Variants in PALMD observed in about 807,000 individuals in gnomAD.
PALMD encodes palmdelphin.
In PALMD, 42 loss-of-function variants were observed where a neutral mutation model predicts 56.2. That is an observed-to-expected ratio of 0.75 (90% CI 0.58 to 0.97). PALMD has a LOEUF of 0.97. PALMD is among the 50% of genes least tolerant of loss of function. PALMD has a pLI of 0.00. For synonymous variants in PALMD, 242 were observed against 222.9 expected, an observed-to-expected ratio of 1.09 and a Z score of -0.76; for missense variants, 660 against 643.8, an observed-to-expected ratio of 1.03 and a Z score of -0.27.
At position 99,689,888 on chromosome 1, in the gene PALMD, A is replaced by G; in HGVS notation, c.1612+16A>G. ...TCCTTAACAGGTAATAAAAATGACA[A>G]GGCATGCCACTGCTGTTCAGTCATG... On this transcript the variant is annotated intron_variant, in intron 7 of 7. Transcript: ENST00000263174. 5 of 1,575,634 alleles carry G rather than the reference A, an allele frequency of 3.2e-6. No individual in the cohort carries two copies. The highest frequency in any genetic ancestry group is 4.3e-6 in the Non-Finnish European group (5 of 1,167,564).
rs564409107 is a variant in PALMD at position 99,655,309 on chromosome 1, T to A, written c.46-7010T>A. Among the ~76,000 whole-genome samples the A allele has an allele frequency of 5.9e-3, 897 of 152,252 alleles. 10 individuals are homozygous for A. Among genetic ancestry groups the A allele is most frequent in the African/African-American group, 0.021 (862 of 41,562 alleles). ...TAGATGATAAATAATATTAAAAACA[T>A]AAAAAACTTAATAAATGTTATTATT... On this transcript the variant is annotated intron_variant, in intron 1 of 7. Coordinates refer to ENST00000263174, the MANE Select transcript of PALMD (RefSeq NM_017734.5).
At chr1:99,692,452 T>G (rs894758891) in intron 7 of PALMD, among the ~76,000 whole-genome samples, 7 of 152,090 alleles carry the variant, frequency 4.6e-5, no homozygotes, top group African/African-American at 1.7e-4. Flanking sequence ...AAAAGAGAGC[T>G]GATGGCCCAG....
rs535643364 is a variant in PALMD, at chr1:99,683,031, A to G, written c.252-3645A>G. Among the ~76,000 whole-genome samples, 28 of 12,900 alleles carry G rather than the reference A, an allele frequency of 2.2e-3. 2 individuals carry two copies. The East Asian group carries it at 0.079, about 37-fold the overall frequency. The allele number at this position is 12,900 out of a possible 152,430, so 8.5% of individuals were successfully genotyped here. On this transcript the variant is annotated intron_variant, in intron 3 of 7. Coordinates refer to ENST00000263174, the MANE Select transcript of PALMD (RefSeq NM_017734.5). ...CAAAAAGAAAGAAGGAAAGAAAGAA[A>G]GAAAGAAAGAAAGAAAGAAAGAAAG...
chr1:99,662,962 T>C (rs1362782809), intron 2 of PALMD, among the ~76,000 whole-genome samples: 1 of 152,202 alleles, frequency 6.6e-6, no homozygotes, highest in Admixed American at 6.6e-5. Flanking sequence ...TCACTGGGTG[T>C]GGCCATTTTG....
At chr1:99,693,068 A>G (rs1557676975) in intron 7 of PALMD, among the ~76,000 whole-genome samples, 1 of 152,230 alleles carries the variant, frequency 6.6e-6, no homozygotes, top group African/African-American at 2.4e-5. Context: ...TTGTGCAAAA[A>G]GGTTTCTTAG....
At chr1:99,667,866 TCTTCC>T in intron 3 of PALMD, 100 bp downstream of exon 3, 1 of 1,108,828 alleles carries the variant, frequency 9.0e-7, no homozygotes, top group Non-Finnish European at 1.3e-6. Flanking sequence ...CATAATCAAA[TCTTCC>T]ATTTGAATTT....
rs567819975 is a variant in PALMD at position 99,689,628 on chromosome 1, A to T, written c.1368A>T (p.Gly456=). The T allele has an allele frequency of 5.0e-6, 8 of 1,613,698 alleles. No individual in the cohort carries two copies. In the Admixed American group the frequency reaches 1.2e-4, roughly 24 times the overall value. Residue 456 remains glycine (G), a synonymous_variant, in exon 7 of 8, where the codon GGA becomes GGT. Coordinates refer to ENST00000263174, the MANE Select transcript of PALMD (RefSeq NM_017734.5). ...VIDDEEEEDE[G]EAEKPSYHPI... ...ATGATGAGGAGGAGGAGGATGAAGG[A>T]GAAGCAGAGAAACCGTCCTACCACC...
intron 3 of PALMD, among the ~76,000 whole-genome samples, chr1:99,670,078 T>A (rs1049810906): frequency 6.6e-6 from 1 of 152,218 alleles, no homozygotes; most frequent in Non-Finnish European, 1.5e-5. Context: ...TTCTCTCTTA[T>A]AGAAAATCTT....
intron 3 of PALMD, among the ~76,000 whole-genome samples, chr1:99,673,683 T>C (rs1653139256): frequency 6.6e-6 from 1 of 152,194 alleles, no homozygotes; most frequent in Admixed American, 6.5e-5. Context: ...CCAGATAGTC[T>C]GATTATTTTT....
At chr1:99,672,415 G>A (rs116572042) in intron 3 of PALMD, among the ~76,000 whole-genome samples, 10 of 152,268 alleles carry the variant, frequency 6.6e-5, no homozygotes, top group South Asian at 2.1e-4. Flanking sequence ...CTGCCTGATT[G>A]TAGGCACAGG....
chr1:99,676,013 T>C (rs909902279), intron 3 of PALMD, among the ~76,000 whole-genome samples: 1 of 152,218 alleles, frequency 6.6e-6, no homozygotes, highest in African/African-American at 2.4e-5. Context: ...TTCCCAACCA[T>C]CAGAGCAAAC....
In PALMD at chr1:99,694,185, A is replaced by G. The variant is rs745548479; in HGVS notation, c.*123A>G. The G allele has an allele frequency of 9.1e-5, 57 of 629,154 alleles. No individual in the cohort carries two copies. Among genetic ancestry groups the G allele is most frequent in the Non-Finnish European group, 1.5e-4 (53 of 360,278 alleles). The allele number at this position is 629,154 out of a possible 1,614,324, so 39.0% of individuals were successfully genotyped here. On this transcript the variant is annotated 3_prime_UTR_variant, in exon 8 of 8. Coordinates refer to ENST00000263174, the MANE Select transcript of PALMD (RefSeq NM_017734.5). Reference sequence around the variant, plus strand: ...AAAAATTATCATTACAGTGTACCATATTAAGCCATGTGAATAAGTAGTAGT... The same window carrying G: ...AAAAATTATCATTACAGTGTACCATGTTAAGCCATGTGAATAAGTAGTAGT...
At chr1:99,692,356 A>G (rs1040494441) in intron 7 of PALMD, among the ~76,000 whole-genome samples, 1 of 152,210 alleles carries the variant, frequency 6.6e-6, no homozygotes, top group Non-Finnish European at 1.5e-5. Context: ...GGAGACTTCT[A>G]TCAAGTTCAG....
chr1:99,683,146 GAAAGAAAGAAAGAAA>G (rs1653408809), intron 3 of PALMD: 6 of 122,404 alleles, frequency 4.9e-5, no homozygotes, highest in South Asian at 2.6e-4. Context: ...AAGAAAGAAA[GAAAGAAAGAAAGAAA>G]GAAAGAAACG....
Position 99,687,100 on chromosome 1 carries a change from A to G in PALMD, c.425A>G (p.Asn142Ser). 6.2e-7 allele frequency: 1 copy of G among 1,601,276 alleles called. No individual in the cohort carries two copies. Among genetic ancestry groups the G allele is most frequent in the Non-Finnish European group, 8.5e-7 (1 of 1,169,752 alleles). The stretch of plus-strand genomic sequence containing the variant: ...GAGTCAATTGAGGACATCTATGCTA[A>G]TATCCCTGACCTTCCAAAGTCCTAC... ...AEESIEDIYA[N>S]IPDLPKSYIP... is the part of the protein sequence containing the mutation. Residue 142 changes from asparagine (N) to serine (S), a missense_variant, in exon 6 of 8, where the codon AAT becomes AGT. By Grantham distance (46) the Asn-to-Ser change is conservative (BLOSUM62 1). Coordinates refer to ENST00000263174, the MANE Select transcript of PALMD (RefSeq NM_017734.5).
At chr1:99,682,558 G>A (rs1250410551) in intron 3 of PALMD, among the ~76,000 whole-genome samples, 1 of 152,050 alleles carries the variant, frequency 6.6e-6, no homozygotes, top group African/African-American at 2.4e-5. Flanking sequence ...AGAGATTCTT[G>A]GGATGAATCA....
intron 6 of PALMD, 30 bp downstream of exon 6, chr1:99,687,219 G>A (rs779228962): frequency 3.8e-6 from 6 of 1,570,112 alleles, no homozygotes; most frequent in East Asian, 2.3e-5. Context: ...TGAAGGGCAT[G>A]TTCTTAATTT....
At chr1:99,689,970 A>T in intron 7 of PALMD, 98 bp downstream of exon 7, 3 of 1,102,062 alleles carry the variant, frequency 2.7e-6, no homozygotes, top group Non-Finnish European at 1.3e-6. Flanking sequence ...TGACCACCTC[A>T]TAAACTAATA....
At chr1:99,690,801 G>T (rs1188814948) in intron 7 of PALMD, among the ~76,000 whole-genome samples, 1 of 152,054 alleles carries the variant, frequency 6.6e-6, no homozygotes, top group East Asian at 1.9e-4. Flanking sequence ...CTAATGGAAG[G>T]ATTCTCATTA....
Sources: gnomAD v4.1 joint callset for allele counts (sites outside exome capture counted in the v4.1 genomes callset) on GRCh38, gnomAD v4.1.1 for gene constraint, MANE v1.5 for transcripts, NCBI Gene and HGNC (gene_info 2026-07-23, HGNC 2026-07-21) for gene names.